Variants in TACR1 observed in about 807,000 individuals in gnomAD.
TACR1 encodes tachykinin receptor 1.
A neutral mutation model predicts 35.8 loss-of-function variants in TACR1; 25 were observed. The ratio of observed to expected loss-of-function variants is 0.70; its 90% confidence interval spans 0.51 to 0.98. The LOEUF (loss-of-function observed/expected upper bound fraction) is 0.98, where lower values mean the gene tolerates loss of function less well. Among genes scored for constraint, TACR1 ranks in the 50% least tolerant of loss-of-function variants. The probability of loss-of-function intolerance (pLI) is 0.00; values close to 1 mark genes in which losing one functional copy is unlikely to be tolerated. For missense variants in TACR1, 478 were observed against 522.9 expected, an observed-to-expected ratio of 0.91 and a Z score of 0.84; for synonymous variants, 195 against 206.7, an observed-to-expected ratio of 0.94 and a Z score of 0.48.
chr2:75,103,614 T>G (rs1305641560), intron 2 of TACR1, among the ~76,000 whole-genome samples: 2 of 152,034 alleles, frequency 1.3e-5, no homozygotes, highest in African/African-American at 4.8e-5. Context: ...AAGAGACAAA[T>G]CTTCAGTGCA....
rs1340276006 is a variant in TACR1, at chr2:75,064,979, C to T, written c.585-11224G>A. 2.0e-5 allele frequency among the ~76,000 whole-genome samples: 3 copies of T among 152,148 alleles called. No homozygotes were observed. The East Asian group carries it at 5.8e-4, about 29-fold the overall frequency. On this transcript the variant is annotated intron_variant, in intron 2 of 4. Coordinates refer to ENST00000305249, the MANE Select transcript of TACR1 (RefSeq NM_001058.4). ...CAGGCAGCAGGGAGACAGAAAGGGA[C>T]CTCCTGAATCTGCATTATGCTCCCT...
chr2:75,055,159 A>C (rs1672545401), intron 2 of TACR1, among the ~76,000 whole-genome samples: 1 of 152,206 alleles, frequency 6.6e-6, no homozygotes, highest in Non-Finnish European at 1.5e-5. Flanking sequence ...TCTTCCAATG[A>C]GGAAAACCCA....
At chr2:75,180,225 A>G (rs1339045479) in intron 1 of TACR1, among the ~76,000 whole-genome samples, 1 of 152,142 alleles carries the variant, frequency 6.6e-6, no homozygotes, top group Non-Finnish European at 1.5e-5. Context: ...ACTCAAAATT[A>G]CATATTTTAT....
At chr2:75,111,332 A>G (rs1673746099) in intron 2 of TACR1, among the ~76,000 whole-genome samples, 1 of 152,020 alleles carries the variant, frequency 6.6e-6, no homozygotes. Context: ...GTTGTGAGAA[A>G]GGAATCCAGT....
intron 2 of TACR1, among the ~76,000 whole-genome samples, chr2:75,072,422 C>T (rs1426933052): frequency 6.6e-6 from 1 of 152,062 alleles, no homozygotes; most frequent in Non-Finnish European, 1.5e-5. Flanking sequence ...CCTTGGAGAC[C>T]CAGATGTGAG....
At chr2:75,114,655 C>T (rs1673815307) in intron 2 of TACR1, among the ~76,000 whole-genome samples, 1 of 152,158 alleles carries the variant, frequency 6.6e-6, no homozygotes, top group Non-Finnish European at 1.5e-5. Flanking sequence ...ATACATTCAC[C>T]TTTCTTTCTC....
intron 1 of TACR1, among the ~76,000 whole-genome samples, chr2:75,145,003 A>G (rs1278807841): frequency 6.6e-6 from 1 of 152,146 alleles, no homozygotes; most frequent in Non-Finnish European, 1.5e-5. Flanking sequence ...AAGAAATACA[A>G]TAATCAATAC....
intron 2 of TACR1, among the ~76,000 whole-genome samples, chr2:75,080,737 G>A (rs1673072825): frequency 6.6e-6 from 1 of 152,124 alleles, no homozygotes; most frequent in East Asian, 1.9e-4. Flanking sequence ...CAGGCCTGTT[G>A]TGAGGATATA....
intron 2 of TACR1, among the ~76,000 whole-genome samples, chr2:75,071,025 C>A (rs1004895984): frequency 1.3e-5 from 2 of 152,138 alleles, no homozygotes; most frequent in Non-Finnish European, 2.9e-5. Flanking sequence ...ATTCAAGTGT[C>A]AATATCTGTA....
At chr2:75,193,239 A>G (rs1164857326) in intron 1 of TACR1, among the ~76,000 whole-genome samples, 1 of 152,180 alleles carries the variant, frequency 6.6e-6, no homozygotes, top group Non-Finnish European at 1.5e-5. Flanking sequence ...ATCTCCAAAG[A>G]CTGAGACACA....
intron 4 of TACR1, 144 bp downstream of exon 4, chr2:75,051,107 G>A: frequency 9.8e-7 from 1 of 1,020,418 alleles, no homozygotes; most frequent in Non-Finnish European, 1.5e-6. Flanking sequence ...GCCAGGCTGA[G>A]TTGTGTGATG....
intron 1 of TACR1, among the ~76,000 whole-genome samples, chr2:75,192,835 A>G (rs777113345): frequency 2.3e-4 from 35 of 152,218 alleles, no homozygotes; most frequent in Non-Finnish European, 4.0e-4. Flanking sequence ...TGGAGGGAAC[A>G]TAAATAAAAG....
intron 1 of TACR1, among the ~76,000 whole-genome samples, chr2:75,154,959 G>A (rs1186051297): frequency 6.6e-6 from 1 of 152,160 alleles, no homozygotes; most frequent in Non-Finnish European, 1.5e-5. Flanking sequence ...AGATGAGTCT[G>A]TGCTCTGCCT....
intron 2 of TACR1, among the ~76,000 whole-genome samples, chr2:75,064,213 C>T (rs1004263391): frequency 6.6e-6 from 1 of 152,174 alleles, no homozygotes; most frequent in African/African-American, 2.4e-5. Flanking sequence ...CCCTCACCCA[C>T]ACTCCTCCTC....
chr2:75,083,684 A>G (rs962572694), intron 2 of TACR1, among the ~76,000 whole-genome samples: 2 of 152,106 alleles, frequency 1.3e-5, no homozygotes, highest in African/African-American at 4.8e-5. Flanking sequence ...TTCTCTTTGA[A>G]GCAATTGTGA....
intron 1 of TACR1, among the ~76,000 whole-genome samples, chr2:75,162,984 T>C (rs1029081073): frequency 6.6e-6 from 1 of 152,234 alleles, no homozygotes; most frequent in Non-Finnish European, 1.5e-5. Flanking sequence ...CGTTTGCAAC[T>C]AGGCAAGGCT....
chr2:75,157,700 A>G (rs1674897378), intron 1 of TACR1, among the ~76,000 whole-genome samples: 1 of 152,242 alleles, frequency 6.6e-6, no homozygotes. Flanking sequence ...AAGAAGAAAT[A>G]AAACCTGATA....
chr2:75,123,350 C>T (rs565513179), intron 1 of TACR1, among the ~76,000 whole-genome samples: 4 of 152,146 alleles, frequency 2.6e-5, no homozygotes, highest in Non-Finnish European at 5.9e-5. Flanking sequence ...AGGATAAATG[C>T]TCAGTCTTAA....
At chr2:75,186,388 A>G (rs1330936283) in intron 1 of TACR1, among the ~76,000 whole-genome samples, 4 of 151,232 alleles carry the variant, frequency 2.6e-5, no homozygotes, top group Admixed American at 6.6e-5. Context: ...AAAAAAAAAA[A>G]AAAAGAAAGA....
Sources: gnomAD v4.1 joint callset for allele counts (sites outside exome capture counted in the v4.1 genomes callset) on GRCh38, gnomAD v4.1.1 for gene constraint, MANE v1.5 for transcripts, NCBI Gene and HGNC (gene_info 2026-07-23, HGNC 2026-07-21) for gene names.